The following WNT3A variants were observed in gnomAD, a reference collection of about 807,000 sequenced individuals.
WNT3A encodes the protein protein Wnt-3a.
WNT3A carries 17 observed loss-of-function variants against 37.0 expected under a neutral mutation model. That is an observed-to-expected ratio of 0.46 (90% CI 0.31 to 0.69). The LOEUF is 0.69. Ranked by LOEUF, WNT3A falls within the 30% of genes least tolerant of loss-of-function variation. WNT3A has a pLI of 0.05. For synonymous variants in WNT3A, 187 were observed against 211.0 expected, an observed-to-expected ratio of 0.89 and a Z score of 0.99; for missense variants, 411 against 510.2, an observed-to-expected ratio of 0.81 and a Z score of 1.87.
intron 3 of WNT3A, among the ~76,000 whole-genome samples, chr1:228,057,588 A>G (rs2031705715): frequency 6.6e-6 from 1 of 152,244 alleles, no homozygotes; most frequent in Non-Finnish European, 1.5e-5. Flanking sequence ...ACAGATGCCC[A>G]TAGGAAACAG....
At chr1:228,017,086 T>C (rs2030555159) in intron 1 of WNT3A, among the ~76,000 whole-genome samples, 1 of 152,098 alleles carries the variant, frequency 6.6e-6, no homozygotes, top group Non-Finnish European at 1.5e-5. Flanking sequence ...GAGGCCAACA[T>C]GCGGGAAGCC....
At chr1:228,056,688 T>C (rs989142231) in intron 3 of WNT3A, among the ~76,000 whole-genome samples, 2 of 152,058 alleles carry the variant, frequency 1.3e-5, no homozygotes, top group South Asian at 4.1e-4. Flanking sequence ...GGCCACTAAG[T>C]GACGAGAACA....
At position 228,008,918 on chromosome 1, in the gene WNT3A, T is replaced by C. The variant is rs2030287795; in HGVS notation, c.71+1719T>C. 6.6e-6 allele frequency among the ~76,000 whole-genome samples: 1 copy of C among 152,046 alleles called. No homozygotes were observed. Among genetic ancestry groups the C allele is most frequent in the Admixed American group, 6.6e-5 (1 of 15,264 alleles). On this transcript the variant is annotated intron_variant, in intron 1 of 3. Transcript: ENST00000284523. The surrounding 1 kb of genome is among the most constrained non-coding windows in gnomAD (Gnocchi z 4.9). ...CACCTGGGCCCCCTGTGTTCTACCC[T>C]GAATGGACCCTGAGACACCCTCGGG...
intron 3 of WNT3A, among the ~76,000 whole-genome samples, chr1:228,055,481 A>T (rs1426746907): frequency 6.6e-6 from 1 of 151,972 alleles, no homozygotes; most frequent in East Asian, 1.9e-4. Flanking sequence ...CATAGAGATT[A>T]TACATAGATA....
intron 2 of WNT3A, among the ~76,000 whole-genome samples, chr1:228,025,367 G>A (rs1020571236): frequency 6.6e-6 from 1 of 152,052 alleles, no homozygotes; most frequent in Admixed American, 6.5e-5. Flanking sequence ...TTTTGTTTTT[G>A]AGACAGGGTC....
At position 228,007,259 on chromosome 1, in the gene WNT3A, C is replaced by A; in HGVS notation, c.71+60C>A. The A allele has an allele frequency of 6.5e-7, 1 of 1,534,736 alleles. No homozygotes were observed. Among genetic ancestry groups the A allele is most frequent in the Non-Finnish European group, 8.8e-7 (1 of 1,132,022 alleles). On this transcript the variant is annotated intron_variant, in intron 1 of 3. Transcript: ENST00000284523. This position sits in a 1 kb window ranked among gnomAD's most constrained non-coding sequence, Gnocchi z 6.0. ...GTGCGCCGCGCCCGCAGCAGACGGT[C>A]CCCTCGGGCAGGGACCCCGCGGTGG...
chr1:228,032,943 T>C (rs899817397), intron 2 of WNT3A, among the ~76,000 whole-genome samples: 1 of 152,236 alleles, frequency 6.6e-6, no homozygotes, highest in African/African-American at 2.4e-5. Flanking sequence ...TTGAGCATCT[T>C]TTCATGTGCT....
At position 228,022,815 on chromosome 1, in the gene WNT3A, A is replaced by T; in HGVS notation, c.220A>T (p.Ile74Phe). 1 of 1,614,072 alleles carries T rather than the reference A, an allele frequency of 6.2e-7. No individual in the cohort carries two copies. The highest frequency in any genetic ancestry group is 8.5e-7 in the Non-Finnish European group (1 of 1,180,028). ...PSVAEGIKIG[I>F]QECQHQFRGR... is the part of the protein sequence containing the mutation. ...CGTGGCCGAGGGCATCAAGATTGGC[A>T]TCCAGGAGTGCCAGCACCAGTTCCG... The change falls in exon 2 of 4, where the codon ATC becomes TTC. Residue 74 changes from isoleucine to phenylalanine, a missense_variant. Ile to Phe is a conservative substitution (Grantham distance 21). Coordinates refer to ENST00000284523, the MANE Select transcript of WNT3A (RefSeq NM_033131.4).
chr1:228,009,347 G>T (rs1249987981), intron 1 of WNT3A, among the ~76,000 whole-genome samples: 3 of 152,188 alleles, frequency 2.0e-5, no homozygotes, highest in African/African-American at 7.2e-5. Context: ...ACGCAGTGCT[G>T]CAGGACCCCT....
rs544488678 is a variant in WNT3A at position 228,060,383 on chromosome 1, G to C, written c.*918G>C. 1 of 1,119,638 alleles carries C rather than the reference G, an allele frequency of 8.9e-7. No individual in the cohort carries two copies. The allele number at this position is 1,119,638 out of a possible 1,614,324, so 69.4% of individuals were successfully genotyped here. A position where few individuals can be genotyped will look rare whatever the true frequency, so the allele number is the denominator to read the frequency against. On this transcript the variant is annotated 3_prime_UTR_variant, in exon 4 of 4. Coordinates refer to ENST00000284523, the MANE Select transcript of WNT3A (RefSeq NM_033131.4). ...CGCCTGGCTTTGGAATGCTCCAGGCGCGCCGACGCCTGTGCCACCCCTTCC... is the reference window on the plus strand; with the variant it reads ...CGCCTGGCTTTGGAATGCTCCAGGCCCGCCGACGCCTGTGCCACCCCTTCC...
intron 1 of WNT3A, among the ~76,000 whole-genome samples, chr1:228,021,708 G>A (rs2030712264): frequency 6.6e-6 from 1 of 152,220 alleles, no homozygotes; most frequent in Non-Finnish European, 1.5e-5. Flanking sequence ...AAGTGGGCCT[G>A]CGGGCTGGCG....
At chr1:228,019,795 G>T (rs555960712) in intron 1 of WNT3A, among the ~76,000 whole-genome samples, 1 of 152,216 alleles carries the variant, frequency 6.6e-6, no homozygotes, top group Admixed American at 6.5e-5. Flanking sequence ...TAGCAGGCAC[G>T]TCCTGAACCA....
Position 228,022,647 on chromosome 1 carries a change from C to G in WNT3A, c.72-20C>G, listed in dbSNP as rs1415312732. The G allele has an allele frequency of 1.2e-6, 2 of 1,603,340 alleles. No individual in the cohort carries two copies. The highest frequency in any genetic ancestry group is 2.2e-5 in the South Asian group (2 of 90,148). ...CGCTGTCCCAGCCCCACACTCACCACCGGATCTTGCCCTCTGCAGGTCGCT... is the reference window on the plus strand; with the variant it reads ...CGCTGTCCCAGCCCCACACTCACCAGCGGATCTTGCCCTCTGCAGGTCGCT... On this transcript the variant is annotated intron_variant, in intron 1 of 3. Transcript: ENST00000284523.
intron 2 of WNT3A, among the ~76,000 whole-genome samples, chr1:228,035,377 G>C (rs2031112657): frequency 6.6e-6 from 1 of 152,210 alleles, no homozygotes; most frequent in Non-Finnish European, 1.5e-5. Context: ...AGGCAGAGGG[G>C]ACAGCCCATG....
chr1:228,026,405 C>T (rs1571799718), intron 2 of WNT3A, among the ~76,000 whole-genome samples: 1 of 152,162 alleles, frequency 6.6e-6, no homozygotes, highest in African/African-American at 2.4e-5. Context: ...AAACTTTGAG[C>T]TGCCTGCATA....
chr1:228,017,792 A>C (rs1027111837), intron 1 of WNT3A, among the ~76,000 whole-genome samples: 1 of 152,232 alleles, frequency 6.6e-6, no homozygotes, highest in Non-Finnish European at 1.5e-5. Context: ...TGGAGCTTGC[A>C]TAGCAAGATG....
At position 228,037,132 on chromosome 1, in the gene WNT3A, T is replaced by G. The variant is rs999400588; in HGVS notation, c.314-13524T>G. 3.3e-4 allele frequency among the ~76,000 whole-genome samples: 50 copies of G among 152,080 alleles called. No individual in the cohort carries two copies. Among genetic ancestry groups the G allele is most frequent in the African/African-American group, 1.1e-3 (47 of 41,398 alleles). ...GCTTCCCACAACTCCCAGTGGACACTTCCCAGAGCCCTGGGGTTTGCTTCT... is the reference window on the plus strand; with the variant it reads ...GCTTCCCACAACTCCCAGTGGACACGTCCCAGAGCCCTGGGGTTTGCTTCT... On this transcript the variant is annotated intron_variant, in intron 2 of 3. Transcript: ENST00000284523. This position sits in a 1 kb window ranked among gnomAD's most constrained non-coding sequence, Gnocchi z 4.1.
Position 228,039,745 on chromosome 1 carries a change from A to G in WNT3A, c.314-10911A>G, listed in dbSNP as rs2031233342. Reference sequence around the variant, plus strand: ...ATTCATTGGCCCCCCAGCCATGACCATTGTTGGAAGCCTCCAGTCCTAATT... The same window carrying G: ...ATTCATTGGCCCCCCAGCCATGACCGTTGTTGGAAGCCTCCAGTCCTAATT... On this transcript the variant is annotated intron_variant, in intron 2 of 3. Transcript: ENST00000284523. This position sits in a 1 kb window ranked among gnomAD's most constrained non-coding sequence, Gnocchi z 4.1. Among the ~76,000 whole-genome samples, 2 of 152,072 alleles carry G rather than the reference A, an allele frequency of 1.3e-5. 1 individual carries two copies. The highest frequency in any genetic ancestry group is 4.1e-4 in the South Asian group (2 of 4,820).
intron 3 of WNT3A, among the ~76,000 whole-genome samples, chr1:228,058,413 A>C (rs1442511141): frequency 6.6e-6 from 1 of 152,206 alleles, no homozygotes; most frequent in East Asian, 1.9e-4. Flanking sequence ...TGAGTTCTAC[A>C]CTGCCCATAG....
Sources: gnomAD v4.1 joint callset for allele counts (sites outside exome capture counted in the v4.1 genomes callset) on GRCh38, gnomAD v4.1.1 for gene constraint, Gnocchi (gnomAD v3.1) non-coding constraint, MANE v1.5 for transcripts, NCBI Gene and HGNC (gene_info 2026-07-23, HGNC 2026-07-21) for gene names.